CD33: variants seen among roughly 807,000 people sequenced by gnomAD.
CD33 encodes the protein myeloid cell surface antigen CD33.
Under a neutral mutation model 31.4 loss-of-function variants are expected in CD33, and 25 were observed. That is an observed-to-expected ratio of 0.80 (90% CI 0.58 to 1.11). The LOEUF (loss-of-function observed/expected upper bound fraction) is 1.11. Among genes scored for constraint, CD33 ranks in the 50% most tolerant of loss-of-function variants. CD33 has a pLI of 0.00. For missense variants in CD33, 407 were observed against 448.1 expected (o/e 0.91, Z 0.83); for synonymous variants, 176 against 180.6 (o/e 0.97, Z 0.20).
chr19:51,226,216 C>T, intron 3 of CD33, 93 bp from the exon 4 acceptor site: 1 of 1,509,946 alleles, frequency 6.6e-7, no homozygotes, highest in South Asian at 1.1e-5. Context: ...GTCCCTTCTG[C>T]ATTTCTGTGG....
chr19:51,227,953 G>A (rs1487429240), intron 4 of CD33, among the ~76,000 whole-genome samples: 1 of 152,078 alleles, frequency 6.6e-6, no homozygotes, highest in Admixed American at 6.5e-5. Flanking sequence ...AGTTTTCCCA[G>A]CATCATTTAT....
rs563179796 is a variant in CD33, at chr19:51,235,787, C to A, written c.924+111C>A. 3.3e-6 allele frequency: 3 copies of A among 915,938 alleles called. No individual in the cohort carries two copies. The South Asian group carries it at 4.2e-5, about 13-fold the overall frequency. 56.7% of individuals were successfully genotyped at this position (915,938 alleles called of 1,614,324 possible). A position where few individuals can be genotyped will look rare whatever the true frequency, so the allele number is the denominator to read the frequency against. On this transcript the variant is annotated intron_variant, in intron 6 of 6. Transcript: ENST00000262262. ...TCCAGAACTGAGCTTATTGTCTTTC[C>A]TCCTGTTTAACAGTGTAGGTTTTAA...
upstream of CD33, among the ~76,000 whole-genome samples, chr19:51,223,399 A>C (rs928942104): frequency 5.9e-5 from 9 of 152,206 alleles, 1 homozygote; most frequent in Non-Finnish European, 8.8e-5. Flanking sequence ...TTGTGTGTAG[A>C]GATTTGACAA....
intron 4 of CD33, among the ~76,000 whole-genome samples, chr19:51,234,740 G>T (rs977527894): frequency 1.3e-5 from 2 of 152,114 alleles, no homozygotes; most frequent in Non-Finnish European, 2.9e-5. Context: ...CCTTTTTAAG[G>T]CCAAAAGGAC....
At chr19:51,220,927 C>A (rs191048096), upstream of CD33, among the ~76,000 whole-genome samples, 4 of 152,242 alleles carry the variant, frequency 2.6e-5, no homozygotes, top group Admixed American at 2.6e-4. Flanking sequence ...AGGGTGATAA[C>A]ACCTGAATAT....
At chr19:51,235,925 A>C (rs371830628) in intron 6 of CD33, 2 of 700,036 alleles carry the variant, frequency 2.9e-6, no homozygotes, top group Non-Finnish European at 5.2e-6. Flanking sequence ...TTTGGAGGCC[A>C]AGGCGGGCGG....
intron 6 of CD33, 65 bp downstream of exon 6, chr19:51,235,741 C>T (rs772741411): frequency 5.9e-5 from 74 of 1,258,534 alleles, no homozygotes; most frequent in Non-Finnish European, 7.4e-5. Context: ...TGTGGCCCAC[C>T]GTCATGCCCC....
At chr19:51,225,045 C>A, upstream of CD33, 1 of 1,582,468 alleles carries the variant, frequency 6.3e-7, no homozygotes, top group Non-Finnish European at 8.6e-7. Flanking sequence ...CCTGTCCGGC[C>A]CTGTAGTCCT....
At chr19:51,219,916 A>C in the CD33 span, among the ~76,000 whole-genome samples, 1 of 152,288 alleles carries the variant, frequency 6.6e-6, no homozygotes, top group African/African-American at 2.4e-5. Flanking sequence ...GTGCTGTTGA[A>C]TTTGGTTTGC....
the CD33 span, chr19:51,211,864 C>T: frequency 5.7e-5 from 75 of 1,312,792 alleles, 1 homozygote; most frequent in African/African-American, 8.0e-4. Context: ...CTGACCTGCT[C>T]TGTGCCCTCG....
chr19:51,234,316 G>C (rs976033947), intron 4 of CD33, among the ~76,000 whole-genome samples: 4 of 152,106 alleles, frequency 2.6e-5, no homozygotes, highest in Admixed American at 2.6e-4. Flanking sequence ...TTACATTAAA[G>C]TTCACTCTTG....
At chr19:51,235,941 G>A (rs775291186) in intron 6 of CD33, 52 of 696,432 alleles carry the variant, frequency 7.5e-5, no homozygotes, top group East Asian at 1.1e-4. Flanking sequence ...GGCGGATCAC[G>A]AGGTCAGGAG....
the CD33 span, among the ~76,000 whole-genome samples, chr19:51,216,140 C>T: frequency 5.9e-5 from 9 of 151,624 alleles, no homozygotes; most frequent in Non-Finnish European, 8.8e-5. Flanking sequence ...TGTGTAGTTC[C>T]GTTTCCTGAA....
intron 6 of CD33, 182 bp from the exon 7 acceptor site, chr19:51,239,336 A>C: frequency 2.1e-6 from 1 of 466,834 alleles, no homozygotes; most frequent in Non-Finnish European, 3.7e-6. Flanking sequence ...GAATCAATCA[A>C]TACGTGCTAC....
chr19:51,231,218 C>A (rs949332459), intron 4 of CD33, among the ~76,000 whole-genome samples: 1 of 152,254 alleles, frequency 6.6e-6, no homozygotes, highest in African/African-American at 2.4e-5. Context: ...CACTTCTGCA[C>A]GTCCTCACCA....
At chr19:51,226,462 G>A in intron 4 of CD33, 106 bp downstream of exon 4, 1 of 964,430 alleles carries the variant, frequency 1.0e-6, no homozygotes, top group Non-Finnish European at 1.7e-6. Flanking sequence ...AAGGCCTGCA[G>A]TTAGACACGG....
intron 6 of CD33, chr19:51,238,161 T>C (rs1981921344): frequency 6.6e-6 from 1 of 152,230 alleles, no homozygotes. Flanking sequence ...GTTCATGTGG[T>C]TAACTCAGAA....
chr19:51,213,746 G>T, the CD33 span, among the ~76,000 whole-genome samples: 1 of 151,720 alleles, frequency 6.6e-6, no homozygotes, highest in Admixed American at 6.6e-5. Flanking sequence ...ATGTTGGCTA[G>T]GCTGATATCG....
the CD33 span, chr19:51,211,816 T>A: frequency 1.1e-6 from 1 of 949,592 alleles, no homozygotes. Flanking sequence ...CCCAGCATCT[T>A]CATCCCGAGG....
Sources: gnomAD v4.1 joint callset for allele counts (sites outside exome capture counted in the v4.1 genomes callset) on GRCh38, gnomAD v4.1.1 for gene constraint, MANE v1.5 for transcripts, NCBI Gene and HGNC (gene_info 2026-07-23, HGNC 2026-07-21) for gene names.